The following SUMF1 variants were observed in gnomAD, a reference collection of about 807,000 sequenced individuals.
SUMF1 encodes sulfatase modifying factor 1, also known as formylglycine-generating enzyme.
In SUMF1, 48 loss-of-function variants were observed where a neutral mutation model predicts 47.6. The observed-to-expected ratio is 1.01, with a 90% CI of 0.80 to 1.28. The LOEUF (loss-of-function observed/expected upper bound fraction) is 1.28. Ranked by LOEUF, SUMF1 falls within the 50% of genes most tolerant of loss-of-function variation. The pLI, the probability that SUMF1 is intolerant of heterozygous loss-of-function variation, is 0.00. For missense variants in SUMF1, 571 were observed against 485.4 expected, an observed-to-expected ratio of 1.18 and a Z score of -1.66; for synonymous variants, 230 against 192.1, an observed-to-expected ratio of 1.20 and a Z score of -1.63.
chr3:4,148,354 C>A lies in SUMF1; in HGVS notation c.1015-79609G>T, dbSNP rs191578668. ...TTTCATGGATTGTTTTATAGAAGTT[C>A]TTTGCTTCAGTTTAGTAGGTGGAAA... On this transcript the variant is annotated intron_variant and NMD_transcript_variant, in intron 8 of 12. Coordinates refer to the SUMF1 transcript ENST00000448413. Among the ~76,000 whole-genome samples the A allele has an allele frequency of 2.3e-3, 355 of 152,164 alleles. 3 individuals are homozygous for A. Among genetic ancestry groups the A allele is most frequent in the African/African-American group, 8.1e-3 (338 of 41,514 alleles).
chr3:4,255,830 C>A (rs1186117449), intron 8 of SUMF1, among the ~76,000 whole-genome samples: 4 of 94,164 alleles, frequency 4.2e-5, no homozygotes, highest in Admixed American at 4.0e-4. Flanking sequence ...CAGCACCACA[C>A]CACACCTATT....
chr3:4,356,879 A>G (rs1015564979), downstream of SUMF1, among the ~76,000 whole-genome samples: 1 of 152,224 alleles, frequency 6.6e-6, no homozygotes, highest in African/African-American at 2.4e-5. Context: ...GGCCTCGCTC[A>G]TGCCCAGCCT....
At chr3:4,090,336 G>C (rs73129140) in intron 8 of SUMF1, among the ~76,000 whole-genome samples, 9,103 of 152,034 alleles carry the variant, frequency 0.06, 576 homozygotes, top group African/African-American at 0.15. Context: ...TCTCACATTT[G>C]GAAGCTGTGC....
At chr3:4,161,025 TG>T (rs1338070749) in intron 8 of SUMF1, among the ~76,000 whole-genome samples, 4 of 152,170 alleles carry the variant, frequency 2.6e-5, no homozygotes, top group African/African-American at 9.7e-5. Context: ...TTTTAGTCAT[TG>T]CAGCTGTATC....
Position 4,361,228 on chromosome 3 carries a change from C to G in SUMF1, c.*916G>C, listed in dbSNP as rs879213257. ...CCACAGCCAACAAGGTTTCCTATTC[C>G]CTATTACAAAATACCGGATACCCTG... is the stretch of plus-strand genomic sequence containing the variant. On this transcript the variant is annotated 3_prime_UTR_variant, in exon 9 of 9. Transcript: ENST00000272902. 2 of 152,532 alleles carry G rather than the reference C, an allele frequency of 1.3e-5. No homozygotes were observed. Among genetic ancestry groups the G allele is most frequent in the South Asian group, 4.1e-4 (2 of 4,826 alleles). 9.4% of individuals were successfully genotyped at this position (152,532 alleles called of 1,614,324 possible). A position where few individuals can be genotyped will look rare whatever the true frequency, so the allele number is the denominator to read the frequency against.
At chr3:4,267,535 G>A (rs1697220807) in intron 8 of SUMF1, among the ~76,000 whole-genome samples, 1 of 152,130 alleles carries the variant, frequency 6.6e-6, no homozygotes, top group African/African-American at 2.4e-5. Flanking sequence ...AGTATTCTCT[G>A]ATGGTAGTTT....
chr3:4,454,423 A>C (rs1703083169), intron 1 of SUMF1, among the ~76,000 whole-genome samples: 1 of 152,250 alleles, frequency 6.6e-6, no homozygotes, highest in South Asian at 2.1e-4. Flanking sequence ...AACAAAAAAG[A>C]CACAACAACA....
At chr3:4,427,271 T>C (rs1702098513) in intron 3 of SUMF1, among the ~76,000 whole-genome samples, 2 of 152,198 alleles carry the variant, frequency 1.3e-5, no homozygotes, top group Non-Finnish European at 2.9e-5. Flanking sequence ...GGACGTTTCT[T>C]GAAACGTAGT....
At chr3:4,146,938 G>A (rs1313404794) in intron 8 of SUMF1, among the ~76,000 whole-genome samples, 1 of 152,026 alleles carries the variant, frequency 6.6e-6, no homozygotes, top group African/African-American at 2.4e-5. Flanking sequence ...GGCTATCGTT[G>A]TTGGACATTT....
intron 9 of SUMF1, among the ~76,000 whole-genome samples, chr3:4,066,830 C>T (rs971771455): frequency 6.6e-6 from 1 of 152,140 alleles, no homozygotes; most frequent in Admixed American, 6.5e-5. Flanking sequence ...CTGGCATTTC[C>T]ATAACAGTTC....
At chr3:4,098,059 G>A (rs892142439) in intron 8 of SUMF1, among the ~76,000 whole-genome samples, 2 of 152,074 alleles carry the variant, frequency 1.3e-5, no homozygotes, top group Admixed American at 6.5e-5. Flanking sequence ...ATGCCCAGAA[G>A]AATAACGTAT....
intron 7 of SUMF1, among the ~76,000 whole-genome samples, chr3:4,408,815 A>C (rs1701453440): frequency 1.3e-5 from 2 of 151,854 alleles, no homozygotes; most frequent in Admixed American, 1.3e-4. Context: ...TACTAAAAAT[A>C]CAAAAATTAG....
chr3:4,250,110 G>C (rs1696762946), intron 8 of SUMF1, among the ~76,000 whole-genome samples: 1 of 152,058 alleles, frequency 6.6e-6, no homozygotes, highest in African/African-American at 2.4e-5. Context: ...TTGAACACAG[G>C]AGGCAGAGGT....
rs368923635 is a variant in SUMF1, at chr3:4,238,899, T to C, written c.1014+137431A>G. The stretch of plus-strand genomic sequence containing the variant: ...CCCAGGTTTTCTTCCAGGGCTTTTA[T>C]GGTTTTAGGTCTTACACTTAAGCCT... On this transcript the variant is annotated intron_variant and NMD_transcript_variant, in intron 8 of 12. Transcript: ENST00000448413. Among the ~76,000 whole-genome samples the C allele has an allele frequency of 1.1e-4, 17 of 152,222 alleles. No individual in the cohort carries two copies. In the East Asian group the frequency reaches 1.3e-3, roughly 12 times the overall value.
chr3:4,226,264 C>CTTTTTTTTTTTTTTTTTTTTTTTTTTTT (rs869300368), intron 8 of SUMF1, among the ~76,000 whole-genome samples: 1 of 86,986 alleles, frequency 1.1e-5, no homozygotes, highest in African/African-American at 4.5e-5. Context: ...TTTTTTGTTT[C>CTTTTTTTTTTTTTTTTTTTTTTTTTTTT]TTTTTTTTTT....
intron 8 of SUMF1, chr3:4,303,795 G>A: frequency 7.1e-7 from 1 of 1,417,488 alleles, no homozygotes; most frequent in Non-Finnish European, 9.4e-7. Context: ...TTTTTGTCCA[G>A]TCCTGTCCTC....
chr3:4,365,073 C>CT (rs781216472), intron 8 of SUMF1, among the ~76,000 whole-genome samples: 15 of 151,388 alleles, frequency 9.9e-5, no homozygotes, highest in Non-Finnish European at 2.1e-4. Flanking sequence ...GCACTGTGGT[C>CT]TGAGAGACAG....
intron 9 of SUMF1, among the ~76,000 whole-genome samples, chr3:4,044,262 A>G (rs527290825): frequency 6.8e-4 from 103 of 152,292 alleles, no homozygotes; most frequent in African/African-American, 2.5e-3. Flanking sequence ...TGTGAAAAAT[A>G]ATGATCTGCT....
At chr3:4,084,271 T>A (rs1692626425) in intron 8 of SUMF1, among the ~76,000 whole-genome samples, 1 of 152,102 alleles carries the variant, frequency 6.6e-6, no homozygotes, top group Non-Finnish European at 1.5e-5. Context: ...CAAGGGTCTT[T>A]GCAACCACTG....
Sources: allele counts gnomAD v4.1 joint callset (sites outside exome capture counted in the v4.1 genomes callset), GRCh38; gene constraint gnomAD v4.1.1; transcripts MANE v1.5; gene names NCBI Gene and HGNC (gene_info 2026-07-23, HGNC 2026-07-21).